PRKAR1B: variants seen among roughly 807,000 people sequenced by gnomAD.
The protein encoded by PRKAR1B is protein kinase cAMP-dependent type I regulatory subunit beta.
A neutral mutation model predicts 46.5 loss-of-function variants in PRKAR1B; 22 were observed. The ratio of observed to expected loss-of-function variants is 0.47; its 90% confidence interval spans 0.34 to 0.68. The LOEUF is 0.68. PRKAR1B is among the 30% of genes least tolerant of loss of function. PRKAR1B has a pLI of 0.01. For missense variants in PRKAR1B, 445 were observed against 535.6 expected (o/e 0.83, Z 1.67); for synonymous variants, 259 against 217.7 (o/e 1.19, Z -1.67).
chr7:588,693 GTGGTGA>G (rs72098871), intron 7 of PRKAR1B, among the ~76,000 whole-genome samples: 2,567 of 27,632 alleles, frequency 0.093, 57 homozygotes, highest in Middle Eastern at 0.16. Flanking sequence ...GATGGTGATG[GTGGTGA>G]TGGTGATGGT....
At position 680,732 on chromosome 7, in the gene PRKAR1B, T is replaced by C. The variant is rs372164270; in HGVS notation, c.178-6A>G. 40 of 1,613,710 alleles carry C rather than the reference T, an allele frequency of 2.5e-5. No individual in the cohort carries two copies. Among genetic ancestry groups the C allele is most frequent in the Non-Finnish European group, 3.4e-5 (40 of 1,179,978 alleles). On this transcript the variant is annotated splice_region_variant and splice_polypyrimidine_tract_variant and intron_variant, in intron 2 of 10. Coordinates refer to ENST00000537384, the MANE Select transcript of PRKAR1B (RefSeq NM_001164760.2). ...AAAATCTGCCTGTTTTCTTCCTGTG[T>C]GGGAGAGGAAAACACAGAAAGGAAG...
At chr7:647,541 T>G (rs1784679565) in intron 4 of PRKAR1B, among the ~76,000 whole-genome samples, 2 of 152,066 alleles carry the variant, frequency 1.3e-5, no homozygotes, top group South Asian at 4.2e-4. Flanking sequence ...GCGCGGTGGC[T>G]CATGCCTGTA....
At chr7:685,551 A>G (rs1398166836) in intron 2 of PRKAR1B, among the ~76,000 whole-genome samples, 1 of 151,320 alleles carries the variant, frequency 6.6e-6, no homozygotes, top group Admixed American at 6.6e-5. Flanking sequence ...AGCCCACAAG[A>G]TTTTCAGTCC....
intron 9 of PRKAR1B, among the ~76,000 whole-genome samples, chr7:577,018 T>C (rs868697824): frequency 2.0e-4 from 28 of 137,840 alleles, no homozygotes; most frequent in South Asian, 1.1e-3. Flanking sequence ...ATCAGTCGCC[T>C]CACCCAACGC....
intron 4 of PRKAR1B, among the ~76,000 whole-genome samples, chr7:631,581 C>T (rs1351543788): frequency 2.0e-5 from 3 of 152,218 alleles, no homozygotes; most frequent in African/African-American, 7.2e-5. Context: ...CGTGGAAAAG[C>T]CGGGGCACGG....
rs748496026 is a variant in PRKAR1B, at chr7:606,223, G to A, written c.519C>T (p.Asn173=). Residue 173 remains asparagine (N), a synonymous_variant, in exon 6 of 11, where the codon AAC becomes AAT. Coordinates refer to ENST00000537384, the MANE Select transcript of PRKAR1B (RefSeq NM_001164760.2). ...TVIQQGNEGD[N]FYVVDQGEVD... is the part of the protein sequence containing the mutation. The stretch of plus-strand genomic sequence containing the variant: ...CTTCCCCTTGATCAACGACATAGAA[G>A]TTGTCTCCTTCATTCCCTGTAACAA... 3 of 1,613,806 alleles carry A rather than the reference G, an allele frequency of 1.9e-6. No homozygotes were observed. Among genetic ancestry groups the A allele is most frequent in the Admixed American group, 1.7e-5 (1 of 59,976 alleles).
At chr7:722,096 C>CTTTTTTTTTT (rs147399956) in intron 1 of PRKAR1B, among the ~76,000 whole-genome samples, 3 of 92,350 alleles carry the variant, frequency 3.2e-5, no homozygotes, top group Non-Finnish European at 6.1e-5. Context: ...AGTTTTCAGC[C>CTTTTTTTTTT]TTTTTTTTTT....
chr7:631,163 C>G (rs1783715569), intron 4 of PRKAR1B, among the ~76,000 whole-genome samples: 1 of 152,166 alleles, frequency 6.6e-6, no homozygotes, highest in Non-Finnish European at 1.5e-5. Flanking sequence ...GTTGGCCAAG[C>G]TGGTCTCAAA....
intron 9 of PRKAR1B, among the ~76,000 whole-genome samples, chr7:570,689 T>C (rs957452640): frequency 1.3e-5 from 2 of 152,076 alleles, no homozygotes; most frequent in African/African-American, 4.8e-5. Context: ...AGCCCCCAAC[T>C]CCGGCCATTG....
intron 2 of PRKAR1B, among the ~76,000 whole-genome samples, chr7:708,067 G>C (rs531677274): frequency 2.0e-5 from 3 of 150,470 alleles, no homozygotes; most frequent in Non-Finnish European, 4.4e-5. Flanking sequence ...CACGGACCCA[G>C]AATTAGCCAT....
rs1780810375 is a variant in PRKAR1B at position 714,625 on chromosome 7, C to T, written c.-22-3098G>A. Among the ~76,000 whole-genome samples, 1 of 152,234 alleles carries T rather than the reference C, an allele frequency of 6.6e-6. No individual in the cohort carries two copies. The highest frequency in any genetic ancestry group is 2.4e-5 in the African/African-American group (1 of 41,466). On this transcript the variant is annotated intron_variant, in intron 1 of 10. Transcript: ENST00000537384. The surrounding 1 kb of genome is among the most constrained non-coding windows in gnomAD (Gnocchi z 4.3). Reference sequence around the variant, plus strand: ...CAAGGACTCCCTCTCCAGACTGGCTCTGGTAGGAGTGCGAGGCGTGGCCCC... The same window carrying T: ...CAAGGACTCCCTCTCCAGACTGGCTTTGGTAGGAGTGCGAGGCGTGGCCCC...
intron 4 of PRKAR1B, among the ~76,000 whole-genome samples, chr7:670,477 C>A (rs574253068): frequency 6.6e-6 from 1 of 152,178 alleles, no homozygotes; most frequent in Admixed American, 6.5e-5. Flanking sequence ...TGAGCTCCCC[C>A]ATGCCACAGC....
At chr7:573,792 C>T (rs1380587786) in intron 9 of PRKAR1B, among the ~76,000 whole-genome samples, 3 of 152,212 alleles carry the variant, frequency 2.0e-5, no homozygotes, top group African/African-American at 4.8e-5. Context: ...GTCGGGCACA[C>T]CCATGGTGGA....
rs1467220368 is a variant in PRKAR1B at position 560,352 on chromosome 7, C to T, written c.892-8882G>A. Among the ~76,000 whole-genome samples, 1 of 116,194 alleles carries T rather than the reference C, an allele frequency of 8.6e-6. No individual in the cohort carries two copies. Among genetic ancestry groups the T allele is most frequent in the Non-Finnish European group, 1.7e-5 (1 of 58,642 alleles). 76.2% of individuals were successfully genotyped at this position (116,194 alleles called of 152,430 possible). A position where few individuals can be genotyped will look rare whatever the true frequency, so the allele number is the denominator to read the frequency against. On this transcript the variant is annotated intron_variant, in intron 9 of 10. Transcript: ENST00000537384. The surrounding 1 kb of genome is among the most constrained non-coding windows in gnomAD (Gnocchi z 4.2). Reference sequence around the variant, plus strand: ...TTCTTCATAGCAGTGTTAGAATGAACTAATACAAATAATAATAATAATAAT... The same window carrying T: ...TTCTTCATAGCAGTGTTAGAATGAATTAATACAAATAATAATAATAATAAT...
intron 9 of PRKAR1B, among the ~76,000 whole-genome samples, chr7:552,068 C>T (rs1175604451): frequency 1.9e-5 from 1 of 52,466 alleles, no homozygotes; most frequent in Non-Finnish European, 3.8e-5. Flanking sequence ...CCCCCACCTC[C>T]CACCCAGGTC....
intron 2 of PRKAR1B, among the ~76,000 whole-genome samples, chr7:704,645 T>C (rs1583443537): frequency 6.6e-6 from 1 of 152,072 alleles, no homozygotes; most frequent in African/African-American, 2.4e-5. Flanking sequence ...GCGCGATGCC[T>C]GTAATCCCAG....
At chr7:662,721 T>C (rs1273164277) in intron 4 of PRKAR1B, among the ~76,000 whole-genome samples, 1 of 151,674 alleles carries the variant, frequency 6.6e-6, no homozygotes, top group Non-Finnish European at 1.5e-5. Context: ...CAGATCCAAA[T>C]ACCTACTCTC....
chr7:646,951 CG>C (rs891686551), intron 4 of PRKAR1B, among the ~76,000 whole-genome samples: 1 of 152,170 alleles, frequency 6.6e-6, no homozygotes, highest in African/African-American at 2.4e-5. Flanking sequence ...GGCAGGGAGC[CG>C]GGGGCCCTGG....
In PRKAR1B at chr7:570,810, G is replaced by A. The variant is rs539825526; in HGVS notation, c.891+8446C>T. Among the ~76,000 whole-genome samples, 180 of 152,066 alleles carry A rather than the reference G, an allele frequency of 1.2e-3. 1 individual carries two copies. Among genetic ancestry groups the A allele is most frequent in the African/African-American group, 4.0e-3 (167 of 41,470 alleles). ...GCTCTCCCACCTTGGACCGCTGCCT[G>A]CAGCCCCCTCCCTCCCGGTATCCAG... On this transcript the variant is annotated intron_variant, in intron 9 of 10. Transcript: ENST00000537384.
Sources: gnomAD v4.1 joint callset for allele counts (sites outside exome capture counted in the v4.1 genomes callset) on GRCh38, gnomAD v4.1.1 for gene constraint, Gnocchi (gnomAD v3.1) non-coding constraint, MANE v1.5 for transcripts, NCBI Gene and HGNC (gene_info 2026-07-23, HGNC 2026-07-21) for gene names.